SLC4A7: variants seen among roughly 807,000 people sequenced by gnomAD.
SLC4A7 encodes the protein solute carrier family 4 member 7.
A neutral mutation model predicts 137.6 loss-of-function variants in SLC4A7; 51 were observed. That is an observed-to-expected ratio of 0.37 (90% confidence interval 0.30 to 0.47). The LOEUF (loss-of-function observed/expected upper bound fraction) is 0.47, where lower values mean the gene tolerates loss of function less well. Among genes scored for constraint, SLC4A7 ranks in the 20% least tolerant of loss-of-function variants. SLC4A7 has a pLI of 1.00. For synonymous variants in SLC4A7, 542 were observed against 518.6 expected, an observed-to-expected ratio of 1.05 and a Z score of -0.61; for missense variants, 1,247 against 1,525.4, an observed-to-expected ratio of 0.82 and a Z score of 3.04.
intron 1 of SLC4A7, among the ~76,000 whole-genome samples, chr3:27,472,750 T>C (rs2059301127): frequency 6.6e-6 from 1 of 152,204 alleles, no homozygotes; most frequent in African/African-American, 2.4e-5. Context: ...CAATTTCTAT[T>C]TGTATCTTAC....
Position 27,431,403 on chromosome 3 carries a change from T to C in SLC4A7, c.1045A>G (p.Ser349Gly), listed in dbSNP as rs1289423758. The C allele has an allele frequency of 1.9e-6, 3 of 1,614,088 alleles. No individual in the cohort carries two copies. The highest frequency in any genetic ancestry group is 4.5e-5 in the East Asian group (2 of 44,886). ...QAPELLVSPA[S>G]DDIPTVVIHP... is the part of the protein sequence containing the mutation. ...ATTACTACTGTGGGAATATCATCACTGGCAGGTGAAACCAGTAGTTCTGGG... is the reference window on the plus strand; with the variant it reads ...ATTACTACTGTGGGAATATCATCACCGGCAGGTGAAACCAGTAGTTCTGGG... Residue 349 changes from serine (S) to glycine (G), a missense_variant, in exon 7 of 26, where the codon AGT becomes GGT. Coordinates refer to ENST00000454389, the MANE Select transcript of SLC4A7 (RefSeq NM_001321103.2).
intron 1 of SLC4A7, among the ~76,000 whole-genome samples, chr3:27,461,420 AAAAC>A (rs527980042): frequency 5.3e-4 from 81 of 152,082 alleles, no homozygotes; most frequent in African/African-American, 1.4e-3. Flanking sequence ...AAAACAAAAC[AAAAC>A]AAACAAACAG....
At chr3:27,399,551 T>C (rs1167614337) in intron 16 of SLC4A7, among the ~76,000 whole-genome samples, 1 of 152,092 alleles carries the variant, frequency 6.6e-6, no homozygotes, top group Non-Finnish European at 1.5e-5. Flanking sequence ...TCTCCCTCCT[T>C]AGCCTCCCAG....
intron 21 of SLC4A7, among the ~76,000 whole-genome samples, chr3:27,391,248 T>C (rs2150081765): frequency 6.6e-6 from 1 of 152,298 alleles, no homozygotes. Flanking sequence ...CTTCAATAAG[T>C]CCTTCTATTT....
At chr3:27,446,611 A>T (rs2057655386) in intron 3 of SLC4A7, among the ~76,000 whole-genome samples, 1 of 152,186 alleles carries the variant, frequency 6.6e-6, no homozygotes, top group African/African-American at 2.4e-5. Context: ...CTTTTTACTC[A>T]GTATGAATTA....
intron 1 of SLC4A7, among the ~76,000 whole-genome samples, chr3:27,462,201 T>A (rs1375126468): frequency 6.6e-5 from 10 of 152,204 alleles, no homozygotes; most frequent in African/African-American, 2.4e-4. Flanking sequence ...TACTTGGGAA[T>A]GTAAATTGCC....
chr3:27,385,774 A>C, intron 23 of SLC4A7, 118 bp downstream of exon 23: 1 of 689,954 alleles, frequency 1.4e-6, no homozygotes, highest in South Asian at 2.3e-5. Flanking sequence ...CACTTTTATA[A>C]AGTTCTTAGA....
chr3:27,421,556 C>A, intron 9 of SLC4A7, 66 bp downstream of exon 9: 2 of 1,218,060 alleles, frequency 1.6e-6, no homozygotes, highest in Non-Finnish European at 1.2e-6. Flanking sequence ...CTTGTTCATT[C>A]GCTGGATTAA....
At position 27,484,193 on chromosome 3, in the gene SLC4A7, T is replaced by C. The variant is rs1206981096; in HGVS notation, c.-67A>G. On this transcript the variant is annotated 5_prime_UTR_variant, in exon 1 of 26. Coordinates refer to ENST00000454389, the MANE Select transcript of SLC4A7 (RefSeq NM_001321103.2). ...CGCGCGGTCTGCCTGCTTCTGCCGC[T>C]GCCCCTGCCGCCGCCGCCGAGCCCC... 2 of 1,187,914 alleles carry C rather than the reference T, an allele frequency of 1.7e-6. No individual in the cohort carries two copies. Among genetic ancestry groups the C allele is most frequent in the Non-Finnish European group, 2.1e-6 (2 of 945,716 alleles). 73.6% of individuals were successfully genotyped at this position (1,187,914 alleles called of 1,614,324 possible).
chr3:27,395,173 T>G (rs893759776), intron 18 of SLC4A7, 58 bp from the exon 19 acceptor site: 2 of 1,271,040 alleles, frequency 1.6e-6, no homozygotes, highest in Non-Finnish European at 2.2e-6. Context: ...GCACTAAATT[T>G]CCATAACATA....
chr3:27,445,177 C>T (rs572579174), intron 3 of SLC4A7, among the ~76,000 whole-genome samples: 1 of 152,152 alleles, frequency 6.6e-6, no homozygotes, highest in South Asian at 2.1e-4. Context: ...GTAGTTTTTC[C>T]CGGGCCACAG....
Position 27,450,449 on chromosome 3 carries a change from A to G in SLC4A7, c.143-1652T>C, listed in dbSNP as rs968850609. ...TTTATGTTATGTGAATCTCATTTAAAAAGTAATAAGAAATAAATATAAAAA... is the reference window on the plus strand; with the variant it reads ...TTTATGTTATGTGAATCTCATTTAAGAAGTAATAAGAAATAAATATAAAAA... On this transcript the variant is annotated intron_variant, in intron 2 of 25. Coordinates refer to ENST00000454389, the MANE Select transcript of SLC4A7 (RefSeq NM_001321103.2). Among the ~76,000 whole-genome samples the G allele has an allele frequency of 4.6e-5, 7 of 152,162 alleles. 1 individual carries two copies. The East Asian group carries it at 1.3e-3, about 29-fold the overall frequency.
At chr3:27,481,291 C>T (rs1054113022) in intron 1 of SLC4A7, among the ~76,000 whole-genome samples, 7 of 152,110 alleles carry the variant, frequency 4.6e-5, no homozygotes, top group African/African-American at 1.7e-4. Context: ...TCCCAACACC[C>T]TGATCAGTGA....
At chr3:27,382,321 G>A (rs907107151) in intron 24 of SLC4A7, among the ~76,000 whole-genome samples, 1 of 151,830 alleles carries the variant, frequency 6.6e-6, no homozygotes, top group Non-Finnish European at 1.5e-5. Context: ...CCCCATGTTG[G>A]CCAGGCTGGT....
intron 7 of SLC4A7, among the ~76,000 whole-genome samples, chr3:27,428,838 T>C (rs2055938016): frequency 1.3e-5 from 2 of 152,198 alleles, no homozygotes; most frequent in South Asian, 4.1e-4. Flanking sequence ...ATCCATCACA[T>C]TGAGGCTTAG....
chr3:27,379,053 G>A (rs2050167402), intron 25 of SLC4A7, among the ~76,000 whole-genome samples, 196 bp downstream of exon 25: 1 of 152,180 alleles, frequency 6.6e-6, no homozygotes, highest in Non-Finnish European at 1.5e-5. Context: ...GGGATTACAG[G>A]TGTGAGCCAC....
chr3:27,478,386 C>T (rs765797195), intron 1 of SLC4A7, among the ~76,000 whole-genome samples: 11 of 150,602 alleles, frequency 7.3e-5, no homozygotes, highest in Non-Finnish European at 1.5e-4. Flanking sequence ...GGCGTGGTGG[C>T]GTGCGCCTGT....
intron 23 of SLC4A7, among the ~76,000 whole-genome samples, chr3:27,384,026 G>C (rs1045109076): frequency 6.6e-6 from 1 of 152,208 alleles, no homozygotes; most frequent in African/African-American, 2.4e-5. Flanking sequence ...AACTTGGACA[G>C]TGGACACGGA....
Position 27,373,012 on chromosome 3 carries a change from CA to C in SLC4A7, c.*3751del. On this transcript the variant is annotated 3_prime_UTR_variant, in exon 26 of 26. Coordinates refer to ENST00000454389, the MANE Select transcript of SLC4A7 (RefSeq NM_001321103.2). The stretch of plus-strand genomic sequence containing the variant: ...TTTTATATAAATGAACAATAAAATT[CA>C]ATTTTTATTTATTTAAACGTAGTTA... 1 of 144,770 alleles carries C rather than the reference CA, an allele frequency of 6.9e-6. No homozygotes were observed. The allele number at this position is 144,770 out of a possible 1,614,324, so 9.0% of individuals were successfully genotyped here. A position where few individuals can be genotyped will look rare whatever the true frequency, so the allele number is the denominator to read the frequency against.
Sources: gnomAD v4.1 joint callset for allele counts (sites outside exome capture counted in the v4.1 genomes callset) on GRCh38, gnomAD v4.1.1 for gene constraint, MANE v1.5 for transcripts, NCBI Gene and HGNC (gene_info 2026-07-23, HGNC 2026-07-21) for gene names.